MORC1: variants seen among roughly 807,000 people sequenced by gnomAD.
The protein encoded by MORC1 is MORC family CW-type zinc finger 1.
In MORC1, 59 loss-of-function variants were observed where a neutral mutation model predicts 134.9. The observed-to-expected ratio is 0.44, with a 90% CI of 0.35 to 0.54. The LOEUF is 0.54. MORC1 is among the 20% of genes least tolerant of loss of function. MORC1 has a pLI of 0.00. For missense variants in MORC1, 947 were observed against 1,134.5 expected (o/e 0.83, Z 2.37); for synonymous variants, 395 against 391.7 (o/e 1.01, Z -0.10).
At chr3:109,019,183 G>A (rs1269780660) in intron 17 of MORC1, 1 of 152,212 alleles carries the variant, frequency 6.6e-6, no homozygotes, top group Non-Finnish European at 1.5e-5. Flanking sequence ...ACAGGCCTGA[G>A]GTCACTTGGC....
chr3:109,115,942 CTG>C (rs142976760), intron 1 of MORC1, among the ~76,000 whole-genome samples: 3,219 of 152,178 alleles, frequency 0.021, 138 homozygotes, highest in African/African-American at 0.074. Flanking sequence ...GGTATTTAAA[CTG>C]AGTCCTGAAG....
Position 109,114,400 on chromosome 3 carries a change from A to G in MORC1, c.103T>C (p.Leu35=). The change falls in exon 2 of 28, where the codon TTG becomes CTG. Residue 35 remains leucine, a synonymous_variant. Coordinates refer to ENST00000232603, the MANE Select transcript of MORC1 (RefSeq NM_014429.4). Reference sequence around the variant, plus strand: ...AAACCTTACCTTGCATTGTCCAGCAATTCAGCCAGTGCTCCAAAAAGGAAA... The same window carrying G: ...AAACCTTACCTTGCATTGTCCAGCAGTTCAGCCAGTGCTCCAAAAAGGAAA... The part of the protein sequence containing the change: ...HSFLFGALAE[L]LDNARDAGAE... 6.2e-7 allele frequency: 1 copy of G among 1,613,366 alleles called. No individual in the cohort carries two copies.
chr3:108,984,938 A>T (rs186810942), intron 22 of MORC1, among the ~76,000 whole-genome samples, 156 bp from the exon 23 acceptor site: 5 of 152,324 alleles, frequency 3.3e-5, no homozygotes, highest in Middle Eastern at 3.4e-3. Context: ...GAGATCTATA[A>T]TATGTTCTTA....
chr3:108,964,808 A>C (rs1203928771), intron 26 of MORC1, among the ~76,000 whole-genome samples: 1 of 152,212 alleles, frequency 6.6e-6, no homozygotes, highest in East Asian at 1.9e-4. Context: ...AAAGGCACTA[A>C]ATAGCAGGGA....
chr3:109,112,819 A>G (rs879448173), intron 2 of MORC1, among the ~76,000 whole-genome samples: 2 of 152,214 alleles, frequency 1.3e-5, no homozygotes, highest in Admixed American at 6.5e-5. Flanking sequence ...CCAAACACAC[A>G]TAAGACAGGC....
intron 17 of MORC1, among the ~76,000 whole-genome samples, chr3:109,009,850 G>C (rs1948641382): frequency 6.6e-6 from 1 of 152,058 alleles, no homozygotes; most frequent in South Asian, 2.1e-4. Context: ...CCGTTTTCCT[G>C]AAAAGTGTGC....
At chr3:109,044,558 A>G (rs1576672457) in intron 14 of MORC1, among the ~76,000 whole-genome samples, 1 of 22,888 alleles carries the variant, frequency 4.4e-5, no homozygotes, top group African/African-American at 6.9e-5. Flanking sequence ...ACTCCACCTC[A>G]AAAAAAAAAA....
intron 14 of MORC1, among the ~76,000 whole-genome samples, chr3:109,050,423 G>A (rs930255723): frequency 5.9e-5 from 9 of 152,128 alleles, no homozygotes; most frequent in Admixed American, 1.3e-4. Context: ...AACATCACAT[G>A]GAGAAGGGGA....
At position 108,977,878 on chromosome 3, in the gene MORC1, G is replaced by A. The variant is rs1947605239; in HGVS notation, c.2477+1637C>T. On this transcript the variant is annotated intron_variant, in intron 24 of 27. Coordinates refer to ENST00000232603, the MANE Select transcript of MORC1 (RefSeq NM_014429.4). The stretch of plus-strand genomic sequence containing the variant: ...ATACTGACATCTATCTAGATCATTG[G>A]ATAAGTGGCTTTTTTTTGAGATGGA... 2.6e-5 allele frequency among the ~76,000 whole-genome samples: 4 copies of A among 152,158 alleles called. No individual in the cohort carries two copies. In the South Asian group the frequency reaches 8.3e-4, roughly 32 times the overall value.
At chr3:109,027,701 A>G in intron 17 of MORC1, 50 bp downstream of exon 17, 1 of 1,610,624 alleles carries the variant, frequency 6.2e-7, no homozygotes, top group African/African-American at 1.3e-5. Context: ...ATATGAAACC[A>G]ACAGTTAAAG....
intron 8 of MORC1, among the ~76,000 whole-genome samples, chr3:109,072,147 C>T (rs1373987013): frequency 6.6e-6 from 1 of 152,134 alleles, no homozygotes; most frequent in Non-Finnish European, 1.5e-5. Context: ...AAACGTCAAA[C>T]TTTTTAATGT....
At chr3:108,967,951 T>C (rs1399492420) in intron 26 of MORC1, among the ~76,000 whole-genome samples, 2 of 152,314 alleles carry the variant, frequency 1.3e-5, no homozygotes, top group East Asian at 1.9e-4. Context: ...CACTGGGATA[T>C]TATCTTTCTG....
At chr3:109,096,967 G>A (rs1277214817) in intron 6 of MORC1, among the ~76,000 whole-genome samples, 3 of 152,220 alleles carry the variant, frequency 2.0e-5, no homozygotes, top group Non-Finnish European at 4.4e-5. Context: ...CTAAAAAACA[G>A]GAGTTACAAA....
intron 7 of MORC1, among the ~76,000 whole-genome samples, chr3:109,094,489 T>C (rs914717265): frequency 6.6e-6 from 1 of 152,226 alleles, no homozygotes; most frequent in East Asian, 1.9e-4. Flanking sequence ...GAGAAGAATG[T>C]CTGCAATACT....
chr3:109,106,375 TG>T (rs1422063157), intron 3 of MORC1, among the ~76,000 whole-genome samples: 1 of 152,228 alleles, frequency 6.6e-6, no homozygotes, highest in Non-Finnish European at 1.5e-5. Flanking sequence ...CTCCTTTTTT[TG>T]TAAATCCATA....
chr3:109,013,894 CTT>C (rs35570003), intron 17 of MORC1, among the ~76,000 whole-genome samples: 8,173 of 152,212 alleles, frequency 0.054, 512 homozygotes, highest in African/African-American at 0.15. Context: ...CTCTCTCTCT[CTT>C]GCCTTCTTTC....
At chr3:109,091,989 T>C (rs571674687) in intron 8 of MORC1, among the ~76,000 whole-genome samples, 2 of 152,340 alleles carry the variant, frequency 1.3e-5, no homozygotes, top group East Asian at 3.9e-4. Flanking sequence ...CAATGTATTG[T>C]TTTCTAATGC....
chr3:109,008,440 T>C (rs867055428), intron 17 of MORC1, among the ~76,000 whole-genome samples: 17 of 125,444 alleles, frequency 1.4e-4, no homozygotes, highest in African/African-American at 5.5e-4. Context: ...ATTTTGAGAG[T>C]GCAGAGTATA....
intron 14 of MORC1, among the ~76,000 whole-genome samples, chr3:109,038,731 A>G (rs2107626035): frequency 6.6e-6 from 1 of 152,298 alleles, no homozygotes; most frequent in East Asian, 1.9e-4. Flanking sequence ...CAGGTTTGTC[A>G]AAGACCAGAT....
Sources: gnomAD v4.1 joint callset for allele counts (sites outside exome capture counted in the v4.1 genomes callset) on GRCh38, gnomAD v4.1.1 for gene constraint, MANE v1.5 for transcripts, NCBI Gene and HGNC (gene_info 2026-07-23, HGNC 2026-07-21) for gene names.